The following FMN2 variants were observed in gnomAD, a reference collection of about 807,000 sequenced individuals.
The protein encoded by FMN2 is formin-2.
In FMN2, 51 loss-of-function variants were observed where a neutral mutation model predicts 142.3. The ratio of observed to expected loss-of-function variants is 0.36; its 90% CI spans 0.29 to 0.45. FMN2 has a LOEUF of 0.45. Ranked by LOEUF, FMN2 falls within the 20% of genes least tolerant of loss-of-function variation. The probability of loss-of-function intolerance (pLI) is 1.00; values close to 1 mark genes in which losing one functional copy is unlikely to be tolerated. For synonymous variants in FMN2, 882 were observed against 869.8 expected, an observed-to-expected ratio of 1.01 and a Z score of -0.25; for missense variants, 1,936 against 2,122.8, an observed-to-expected ratio of 0.91 and a Z score of 1.73.
rs550704866 is a variant in FMN2 at position 240,296,462 on chromosome 1, T to A, written c.4215+1579T>A. 4.6e-4 allele frequency among the ~76,000 whole-genome samples: 62 copies of A among 135,882 alleles called. 1 individual carries two copies. Among genetic ancestry groups the A allele is most frequent in the African/African-American group, 1.7e-3 (59 of 34,890 alleles). 89.1% of individuals were successfully genotyped at this position (135,882 alleles called of 152,430 possible). A position where few individuals can be genotyped will look rare whatever the true frequency, so the allele number is the denominator to read the frequency against. On this transcript the variant is annotated intron_variant, in intron 8 of 17. Transcript: ENST00000319653. ...GCTTTTTTTTTTTTTTTTTTTTTTT[T>A]ACTTTATTTCTGTTCTTGCCTTTGA... is the stretch of plus-strand genomic sequence containing the variant.
intron 8 of FMN2, among the ~76,000 whole-genome samples, chr1:240,306,199 C>T (rs1006440970): frequency 4.6e-5 from 7 of 152,246 alleles, no homozygotes; most frequent in African/African-American, 1.2e-4. Flanking sequence ...CCACCCACCT[C>T]GGCTTCCCAA....
rs58002724 is a variant in FMN2 at position 240,355,951 on chromosome 1, C to CAAAAAAAAAAAAAAA, written c.4858+64_4858+78dup. The CAAAAAAAAAAAAAAA allele has an allele frequency of 2.5e-4, 62 of 252,906 alleles. 1 individual carries two copies. Among genetic ancestry groups the CAAAAAAAAAAAAAAA allele is most frequent in the African/African-American group, 9.3e-4 (24 of 25,936 alleles). The allele number at this position is 252,906 out of a possible 1,614,324, so 15.7% of individuals were successfully genotyped here. A position where few individuals can be genotyped will look rare whatever the true frequency, so the allele number is the denominator to read the frequency against. Reference sequence around the variant, plus strand: ...GTGTTATGTTTTTCTCCCCTTTCAGCAAAAAAAAAAAAAAAAAAAAAAAAA... The same window carrying CAAAAAAAAAAAAAAA: ...GTGTTATGTTTTTCTCCCCTTTCAGCAAAAAAAAAAAAAAAAAAAAAAAAAAAAAAAAAAAAAAAA... On this transcript the variant is annotated intron_variant, in intron 14 of 17. Coordinates refer to ENST00000319653, the MANE Select transcript of FMN2 (RefSeq NM_020066.5).
At chr1:240,184,709 C>T (rs1040963976) in intron 3 of FMN2, among the ~76,000 whole-genome samples, 1 of 151,806 alleles carries the variant, frequency 6.6e-6, no homozygotes, top group African/African-American at 2.4e-5. Context: ...AAGGCAATTC[C>T]TGAAAGTGCC....
At chr1:240,118,990 A>G (rs932651388) in intron 1 of FMN2, among the ~76,000 whole-genome samples, 2 of 152,106 alleles carry the variant, frequency 1.3e-5, no homozygotes, top group African/African-American at 4.8e-5. Context: ...GGGAACAAGG[A>G]TGTTACCCAC....
At chr1:240,200,330 C>T (rs1401147395) in intron 4 of FMN2, among the ~76,000 whole-genome samples, 1 of 152,026 alleles carries the variant, frequency 6.6e-6, no homozygotes, top group African/African-American at 2.4e-5. Context: ...TTTATAAATC[C>T]CTGAAAGAAA....
intron 8 of FMN2, among the ~76,000 whole-genome samples, chr1:240,316,723 G>GT (rs1670794340): frequency 2.0e-5 from 3 of 151,634 alleles, no homozygotes; most frequent in Non-Finnish European, 2.9e-5. Flanking sequence ...GGCTCATTTT[G>GT]TTTTTTTTCT....
Position 240,252,952 on chromosome 1 carries a change from A to ACTTTTTTTTT in FMN2, c.4066-4992_4066-4983dup, listed in dbSNP as rs1668326277. 5.9e-5 allele frequency among the ~76,000 whole-genome samples: 2 copies of ACTTTTTTTTT among 33,882 alleles called. 1 individual carries two copies. Among genetic ancestry groups the ACTTTTTTTTT allele is most frequent in the Non-Finnish European group, 1.0e-4 (2 of 19,846 alleles). 22.2% of individuals were successfully genotyped at this position (33,882 alleles called of 152,430 possible). ...TCCCATGTGTGATGTAGTCTTGTTC[A>ACTTTTTTTTT]CTTTTTTTTTTTTTTTTTGGAGACA... On this transcript the variant is annotated intron_variant, in intron 6 of 17. Coordinates refer to ENST00000319653, the MANE Select transcript of FMN2 (RefSeq NM_020066.5).
Position 240,171,313 on chromosome 1 carries a change from C to T in FMN2, c.1783-6608C>T, listed in dbSNP as rs74331525. 3,047 of 701,582 alleles carry T rather than the reference C, an allele frequency of 4.3e-3. 73 individuals are homozygous for T. The African/African-American group carries it at 0.047, about 11-fold the overall frequency. The allele number at this position is 701,582 out of a possible 1,614,324, so 43.5% of individuals were successfully genotyped here. A position where few individuals can be genotyped will look rare whatever the true frequency, so the allele number is the denominator to read the frequency against. ...GATTTAATTCAAAAGAGAAAACCAG[C>T]GTCCATCCTGTCGTGATGTGATGGG... On this transcript the variant is annotated intron_variant, in intron 2 of 17. Coordinates refer to ENST00000319653, the MANE Select transcript of FMN2 (RefSeq NM_020066.5).
chr1:240,466,646 T>G (rs2103239476), intron 16 of FMN2, among the ~76,000 whole-genome samples: 1 of 152,332 alleles, frequency 6.6e-6, no homozygotes, highest in Non-Finnish European at 1.5e-5. Flanking sequence ...CACACTTTTT[T>G]TACCTTGATA....
In FMN2 at chr1:240,207,814, C is replaced by A. The variant is rs775945223; in HGVS notation, c.3002C>A (p.Pro1001His). The A allele has an allele frequency of 1.6e-6, 1 of 626,848 alleles. No individual in the cohort carries two copies. 38.8% of individuals were successfully genotyped at this position (626,848 alleles called of 1,614,324 possible). A position where few individuals can be genotyped will look rare whatever the true frequency, so the allele number is the denominator to read the frequency against. Residue 1001 changes from proline to histidine, a missense_variant, in exon 5 of 18, where the codon CCC becomes CAC. Physicochemically the swap from Pro to His is moderately conservative, Grantham distance 77. Around this residue, in one of 8 missense-constraint regions of FMN2, gnomAD observed 63 missense variants for 86.3 expected, o/e 0.73. Coordinates refer to ENST00000319653, the MANE Select transcript of FMN2 (RefSeq NM_020066.5). ...PLPGAGIPPP[P>H]PLPGAGIPPP... Reference sequence around the variant, plus strand: ...CCCGGAGCGGGCATACCCCCTCCGCCCCCACTTCCCGGAGCGGGCATACCC... The same window carrying A: ...CCCGGAGCGGGCATACCCCCTCCGCACCCACTTCCCGGAGCGGGCATACCC...
intron 11 of FMN2, among the ~76,000 whole-genome samples, chr1:240,331,125 C>CTCTTA (rs59444087): frequency 0.3 from 44,810 of 151,772 alleles, 6,649 homozygotes; most frequent in South Asian, 0.33. Context: ...GACAGTATAT[C>CTCTTA]TTTTTTTCTT....
intron 15 of FMN2, among the ~76,000 whole-genome samples, chr1:240,426,653 A>T (rs953827758): frequency 6.6e-6 from 1 of 152,118 alleles, no homozygotes; most frequent in Non-Finnish European, 1.5e-5. Context: ...GCCTCCTCCC[A>T]TATTGTTTTT....
At chr1:240,284,851 G>T (rs1286533158) in intron 7 of FMN2, among the ~76,000 whole-genome samples, 2 of 152,084 alleles carry the variant, frequency 1.3e-5, no homozygotes, top group African/African-American at 4.8e-5. Context: ...TGTGAACCAA[G>T]TGCTTTATAT....
chr1:240,092,307 C>G lies in FMN2; in HGVS notation c.198C>G (p.Ser66Arg), dbSNP rs995190143. The change falls in exon 1 of 18, where the codon AGC (serine) becomes AGG (arginine). Residue 66 changes from serine (S) to arginine (R), a missense_variant. Physicochemically the swap from Ser to Arg is moderately radical, Grantham distance 110. This residue lies in a region of FMN2 where 751 missense variants were observed against 791.8 expected (regional missense o/e 0.95). Coordinates refer to ENST00000319653, the MANE Select transcript of FMN2 (RefSeq NM_020066.5). ...GCGGGGAGTCGGGCAAGAAGAAGAG[C>G]AAGTCCGACTCCAGAGCCTCGGTGT... ...GGGGESGKKK[S>R]KSDSRASVFS... The G allele has an allele frequency of 1.3e-6, 2 of 1,599,936 alleles. No homozygotes were observed. Among genetic ancestry groups the G allele is most frequent in the Non-Finnish European group, 8.5e-7 (1 of 1,171,738 alleles).
chr1:240,455,265 G>T (rs1009856875), intron 16 of FMN2, among the ~76,000 whole-genome samples: 5 of 97,360 alleles, frequency 5.1e-5, no homozygotes, highest in African/African-American at 1.8e-4. Flanking sequence ...GCCAGGTGTG[G>T]TGGCTCACCG....
chr1:240,265,917 G>GT (rs34557711), intron 7 of FMN2, among the ~76,000 whole-genome samples: 84,651 of 135,680 alleles, frequency 0.62, 26,315 homozygotes, highest in East Asian at 0.76. Context: ...AAAGGGGTTT[G>GT]TTTTTTTTTT....
At chr1:240,124,216 G>GT (rs2103221469) in intron 2 of FMN2, among the ~76,000 whole-genome samples, 1 of 152,298 alleles carries the variant, frequency 6.6e-6, no homozygotes, top group East Asian at 1.9e-4. Flanking sequence ...TAAAGTGGCT[G>GT]TAAGTCCATA....
intron 4 of FMN2, among the ~76,000 whole-genome samples, chr1:240,205,080 T>C (rs1666278682): frequency 6.6e-6 from 1 of 152,114 alleles, no homozygotes; most frequent in Non-Finnish European, 1.5e-5. Flanking sequence ...AAGTCTGGAG[T>C]ATAAGTGTCA....
At position 240,092,056 on chromosome 1, in the gene FMN2, G is replaced by T; in HGVS notation, c.-54G>T. The T allele has an allele frequency of 6.6e-7, 1 of 1,508,234 alleles. No homozygotes were observed. The highest frequency in any genetic ancestry group is 8.8e-7 in the Non-Finnish European group (1 of 1,131,808). 93.4% of individuals were successfully genotyped at this position (1,508,234 alleles called of 1,614,324 possible). ...TAGGCCCGGACCTGGGGCCGAGGAG[G>T]GCCGGGATGGCCTGAGTGCCCGCGG... On this transcript the variant is annotated 5_prime_UTR_variant, in exon 1 of 18. Coordinates refer to ENST00000319653, the MANE Select transcript of FMN2 (RefSeq NM_020066.5).
Sources: gnomAD v4.1 joint callset for allele counts (sites outside exome capture counted in the v4.1 genomes callset) on GRCh38, gnomAD v4.1.1 for gene constraint, gnomAD v4.1.1 regional missense constraint, MANE v1.5 for transcripts, NCBI Gene and HGNC (gene_info 2026-07-23, HGNC 2026-07-21) for gene names.